MTUS2: variants seen among roughly 807,000 people sequenced by gnomAD.
MTUS2 encodes microtubule-associated tumor suppressor candidate 2.
A neutral mutation model predicts 114.1 loss-of-function variants in MTUS2; 40 were observed. The observed-to-expected ratio is 0.35, with a 90% CI of 0.27 to 0.46. MTUS2 has a LOEUF of 0.46. Among genes scored for constraint, MTUS2 ranks in the 20% least tolerant of loss-of-function variants. The pLI, the probability that MTUS2 is intolerant of heterozygous loss-of-function variation, is 1.00. For synonymous variants in MTUS2, 688 were observed against 672.0 expected (o/e 1.02, Z -0.37); for missense variants, 1,679 against 1,705.4 (o/e 0.98, Z 0.27).
intron 4 of MTUS2, among the ~76,000 whole-genome samples, chr13:29,035,351 T>C (rs1045477729): frequency 2.6e-5 from 4 of 152,142 alleles, no homozygotes; most frequent in Non-Finnish European, 5.9e-5. Context: ...GCTGGGGGGA[T>C]CACCTGCCAG....
At chr13:29,488,223 C>G in intron 11 of MTUS2, 1 of 555,958 alleles carries the variant, frequency 1.8e-6, no homozygotes, top group Non-Finnish European at 3.2e-6. Flanking sequence ...TATCCTCAAC[C>G]TTGATGAATA....
chr13:29,251,375 T>G (rs934689075), intron 5 of MTUS2, among the ~76,000 whole-genome samples: 25 of 152,214 alleles, frequency 1.6e-4, no homozygotes, highest in African/African-American at 6.0e-4. Context: ...AAAACTTACA[T>G]TTTGACCATT....
At chr13:29,392,385 T>A (rs1400847857) in intron 8 of MTUS2, among the ~76,000 whole-genome samples, 1 of 152,102 alleles carries the variant, frequency 6.6e-6, no homozygotes, top group Non-Finnish European at 1.5e-5. Flanking sequence ...GTTTGTTCAG[T>A]TGCAGCACGT....
At chr13:29,461,282 A>G (rs916082099) in intron 9 of MTUS2, among the ~76,000 whole-genome samples, 7 of 152,234 alleles carry the variant, frequency 4.6e-5, no homozygotes, top group Non-Finnish European at 7.3e-5. Flanking sequence ...ATTAATCTAT[A>G]TATGGAGGGC....
intron 5 of MTUS2, among the ~76,000 whole-genome samples, chr13:29,164,694 TAA>T (rs1893241414): frequency 1.3e-5 from 2 of 152,292 alleles, no homozygotes; most frequent in South Asian, 4.1e-4. Flanking sequence ...TACAGCATAT[TAA>T]AAAGAGTGTG....
chr13:29,347,444 G>C (rs1375905641), intron 7 of MTUS2, among the ~76,000 whole-genome samples: 1 of 151,552 alleles, frequency 6.6e-6, no homozygotes, highest in Non-Finnish European at 1.5e-5. Flanking sequence ...TGTTTAGTTT[G>C]CACATATTTG....
At chr13:28,969,165 C>A (rs565207650) in intron 2 of MTUS2, among the ~76,000 whole-genome samples, 10 of 152,254 alleles carry the variant, frequency 6.6e-5, no homozygotes, top group African/African-American at 2.4e-4. Flanking sequence ...CCTTAGCCTC[C>A]CAAATAGCTG....
chr13:29,079,015 G>A (rs1889321246), intron 4 of MTUS2, among the ~76,000 whole-genome samples: 1 of 152,186 alleles, frequency 6.6e-6, no homozygotes, highest in African/African-American at 2.4e-5. Flanking sequence ...CAAAGTGGCT[G>A]CACTATTTTA....
At position 28,825,788 on chromosome 13, in the gene MTUS2, A is replaced by G. The variant is rs115221856; in HGVS notation, c.-316+5177A>G. Among the ~76,000 whole-genome samples the G allele has an allele frequency of 5.7e-3, 865 of 152,282 alleles. 7 individuals are homozygous for G. The highest frequency in any genetic ancestry group is 0.019 in the African/African-American group (793 of 41,550). On this transcript the variant is annotated intron_variant, in intron 1 of 15. Coordinates refer to ENST00000612955, the MANE Select transcript of MTUS2 (RefSeq NM_001033602.4). ...AACCATTTTAAACTCTCAACAACCA[A>G]AACACAAATCTCTCATATAGAGGTT...
intron 5 of MTUS2, among the ~76,000 whole-genome samples, chr13:29,206,573 T>C (rs994870803): frequency 6.6e-6 from 1 of 152,188 alleles, no homozygotes; most frequent in African/African-American, 2.4e-5. Flanking sequence ...CCATCTTGAG[T>C]TGATTTTTTT....
At chr13:29,491,406 ATG>A (rs897112822) in intron 11 of MTUS2, among the ~76,000 whole-genome samples, 5 of 138,962 alleles carry the variant, frequency 3.6e-5, no homozygotes, top group South Asian at 2.5e-4. Flanking sequence ...TAGTATATAT[ATG>A]TGGGGGTGTG....
chr13:28,841,927 T>C (rs916730654), intron 2 of MTUS2, among the ~76,000 whole-genome samples: 1 of 152,200 alleles, frequency 6.6e-6, no homozygotes, highest in African/African-American at 2.4e-5. Context: ...CCTCATGATC[T>C]GCCCGCCTTG....
At chr13:29,209,895 G>A (rs1895353271) in intron 5 of MTUS2, among the ~76,000 whole-genome samples, 1 of 152,130 alleles carries the variant, frequency 6.6e-6, no homozygotes. Flanking sequence ...ATAACCTGAT[G>A]ACTAGGTGCC....
Position 29,337,793 on chromosome 13 carries a change from G to GT in MTUS2, c.2905+13095dup, listed in dbSNP as rs567260002. Among the ~76,000 whole-genome samples the GT allele has an allele frequency of 6.0e-3, 798 of 132,564 alleles. 8 individuals are homozygous for GT. Among genetic ancestry groups the GT allele is most frequent in the African/African-American group, 0.014 (481 of 34,552 alleles). 87.0% of individuals were successfully genotyped at this position (132,564 alleles called of 152,430 possible). On this transcript the variant is annotated intron_variant, in intron 7 of 15. Coordinates refer to ENST00000612955, the MANE Select transcript of MTUS2 (RefSeq NM_001033602.4). The stretch of plus-strand genomic sequence containing the variant: ...ATTTTTTGTTTGTTTGTTTGTTTTG[G>GT]TTTTTTTTTTTTTGAGACAGAGTCT...
At chr13:29,106,258 G>A (rs575460564) in intron 5 of MTUS2, among the ~76,000 whole-genome samples, 3 of 152,186 alleles carry the variant, frequency 2.0e-5, no homozygotes, top group East Asian at 1.9e-4. Flanking sequence ...CAAATTCTTC[G>A]TTTTTTAGTA....
intron 9 of MTUS2, among the ~76,000 whole-genome samples, chr13:29,470,674 C>G (rs1181628541): frequency 6.6e-6 from 1 of 152,240 alleles, no homozygotes; most frequent in Non-Finnish European, 1.5e-5. Flanking sequence ...TCCACTGTTA[C>G]CTGAGCATAA....
At chr13:28,897,645 A>G (rs905257736) in intron 2 of MTUS2, among the ~76,000 whole-genome samples, 1 of 152,150 alleles carries the variant, frequency 6.6e-6, no homozygotes, top group African/African-American at 2.4e-5. Context: ...AAGACTTGGA[A>G]CCAACCCAAA....
At position 29,382,366 on chromosome 13, in the gene MTUS2, G is replaced by C. The variant is rs1305418258; in HGVS notation, c.3117+22893G>C. ...ACCATGCAGTAGTCCACATGGGGGA[G>C]GGTGATGGGGGCCTGGACCAGCATG... On this transcript the variant is annotated intron_variant, in intron 8 of 15. Transcript: ENST00000612955. Among the ~76,000 whole-genome samples, 5 of 152,178 alleles carry C rather than the reference G, an allele frequency of 3.3e-5. No homozygotes were observed. In the East Asian group the frequency reaches 9.6e-4, roughly 29 times the overall value.
At chr13:29,499,862 G>A (rs563833331) in intron 14 of MTUS2, among the ~76,000 whole-genome samples, 2 of 152,368 alleles carry the variant, frequency 1.3e-5, no homozygotes, top group East Asian at 3.9e-4. Flanking sequence ...GTTAATGGGG[G>A]CAGACCAGAT....
Sources: gnomAD v4.1 joint callset for allele counts (sites outside exome capture counted in the v4.1 genomes callset) on GRCh38, gnomAD v4.1.1 for gene constraint, MANE v1.5 for transcripts, NCBI Gene and HGNC (gene_info 2026-07-23, HGNC 2026-07-21) for gene names.